Variants in PCDH9 observed in about 807,000 individuals in gnomAD.
PCDH9 encodes the protein protocadherin 9, also known as protocadherin-9.
PCDH9 carries 24 observed loss-of-function variants against 70.6 expected under a neutral mutation model. That is an observed-to-expected ratio of 0.34 (90% CI 0.25 to 0.48). The LOEUF (loss-of-function observed/expected upper bound fraction) is 0.48, where lower values mean the gene tolerates loss of function less well. Among genes scored for constraint, PCDH9 ranks in the 20% least tolerant of loss-of-function variants. The pLI is 0.99. For synonymous variants in PCDH9, 562 were observed against 558.5 expected (o/e 1.01, Z -0.09); for missense variants, 1,281 against 1,503.6 (o/e 0.85, Z 2.45).
intron 2 of PCDH9, among the ~76,000 whole-genome samples, chr13:66,949,744 A>C (rs924416622): frequency 6.6e-6 from 1 of 152,110 alleles, no homozygotes; most frequent in African/African-American, 2.4e-5. Context: ...GCTTTGGAAA[A>C]ATGAGTAAAG....
intron 2 of PCDH9, among the ~76,000 whole-genome samples, chr13:66,975,924 G>A (rs2083610579): frequency 6.6e-6 from 1 of 152,036 alleles, no homozygotes. Context: ...ACCTGTGGAA[G>A]AGCAATTCAG....
At chr13:66,811,299 T>TG (rs2080500863) in intron 3 of PCDH9, among the ~76,000 whole-genome samples, 1 of 152,180 alleles carries the variant, frequency 6.6e-6, no homozygotes, top group South Asian at 2.1e-4. Flanking sequence ...AATTGGCACA[T>TG]GGCCCAAAAC....
intron 3 of PCDH9, among the ~76,000 whole-genome samples, chr13:66,713,301 T>C (rs1387844041): frequency 6.6e-6 from 1 of 152,104 alleles, no homozygotes; most frequent in East Asian, 1.9e-4. Context: ...AATGCTTATG[T>C]TTCATATCAC....
chr13:66,685,546 G>C (rs1451434680), intron 3 of PCDH9, among the ~76,000 whole-genome samples: 1 of 152,210 alleles, frequency 6.6e-6, no homozygotes, highest in Non-Finnish European at 1.5e-5. Context: ...AGTCCCCACT[G>C]GGGTACTGCC....
intron 2 of PCDH9, among the ~76,000 whole-genome samples, chr13:67,129,686 A>G (rs1418391402): frequency 6.6e-6 from 1 of 151,988 alleles, no homozygotes; most frequent in African/African-American, 2.4e-5. Context: ...GAGATATTAT[A>G]TATGTATATT....
chr13:67,204,164 T>C (rs1347948946), intron 2 of PCDH9: 1 of 152,048 alleles, frequency 6.6e-6, no homozygotes, highest in East Asian at 1.9e-4. Context: ...CTCTAAACAG[T>C]TTTAAGAGAT....
rs529976585 is a variant in PCDH9 at position 67,006,029 on chromosome 13, A to G, written c.3037-102424T>C. ...ATCACGAGGTCAGGAGACTGAGACC[A>G]TCCTGGCTAACACGGTGAAACCCCG... On this transcript the variant is annotated intron_variant, in intron 2 of 4. Transcript: ENST00000377865. Among the ~76,000 whole-genome samples, 14 of 152,324 alleles carry G rather than the reference A, an allele frequency of 9.2e-5. 1 individual carries two copies. In the South Asian group the frequency reaches 1.0e-3, roughly 11 times the overall value.
intron 2 of PCDH9, among the ~76,000 whole-genome samples, chr13:66,953,520 C>G (rs1177511942): frequency 6.6e-6 from 1 of 152,178 alleles, no homozygotes; most frequent in African/African-American, 2.4e-5. Context: ...GGCAAGAATT[C>G]TAGTGTACAG....
In PCDH9 at chr13:67,105,285, G is replaced by T. The variant is rs185798772; in HGVS notation, c.3036+120120C>A. Among the ~76,000 whole-genome samples, 57 of 152,172 alleles carry T rather than the reference G, an allele frequency of 3.7e-4. No homozygotes were observed. In the East Asian group the frequency reaches 8.3e-3, roughly 22 times the overall value. Reference sequence around the variant, plus strand: ...TAAAATGAAAAGCTTTTCTTACTCTGTAATTTAGTAAAATAAAATAATACT... The same window carrying T: ...TAAAATGAAAAGCTTTTCTTACTCTTTAATTTAGTAAAATAAAATAATACT... On this transcript the variant is annotated intron_variant, in intron 2 of 4. Coordinates refer to ENST00000377865, the MANE Select transcript of PCDH9 (RefSeq NM_203487.3).
intron 4 of PCDH9, among the ~76,000 whole-genome samples, chr13:66,440,396 C>T (rs988255594): frequency 2.0e-5 from 3 of 151,998 alleles, no homozygotes; most frequent in African/African-American, 7.2e-5. Flanking sequence ...ATTTCCTGTG[C>T]TTGATGTCTG....
At chr13:66,792,927 A>G (rs753056579) in intron 3 of PCDH9, among the ~76,000 whole-genome samples, 5 of 152,164 alleles carry the variant, frequency 3.3e-5, no homozygotes, top group Non-Finnish European at 7.3e-5. Context: ...TGTTAAATAT[A>G]ATCACAAAAA....
intron 4 of PCDH9, among the ~76,000 whole-genome samples, chr13:66,337,959 A>C (rs1391124556): frequency 1.3e-5 from 2 of 152,122 alleles, no homozygotes; most frequent in East Asian, 3.9e-4. Context: ...GATAAAGGGA[A>C]TGCCCACAAT....
At chr13:66,385,767 A>C (rs561169279) in intron 4 of PCDH9, among the ~76,000 whole-genome samples, 23 of 152,338 alleles carry the variant, frequency 1.5e-4, no homozygotes, top group African/African-American at 5.5e-4. Flanking sequence ...TAAGAGTTAA[A>C]TGGGTCTATT....
intron 2 of PCDH9, among the ~76,000 whole-genome samples, chr13:67,141,699 A>C (rs1264001963): frequency 6.6e-6 from 1 of 151,758 alleles, no homozygotes. Context: ...TCGGCCTCCC[A>C]AAGTGCTGGG....
At chr13:67,079,056 T>A (rs2085933769) in intron 2 of PCDH9, among the ~76,000 whole-genome samples, 1 of 151,938 alleles carries the variant, frequency 6.6e-6, no homozygotes, top group Admixed American at 6.6e-5. Flanking sequence ...ACGCCTGTAA[T>A]CATAGCACTT....
At chr13:66,910,753 G>A (rs901378008) in intron 2 of PCDH9, among the ~76,000 whole-genome samples, 1 of 152,088 alleles carries the variant, frequency 6.6e-6, no homozygotes, top group Non-Finnish European at 1.5e-5. Context: ...AAAATGTTTA[G>A]GTGCCACGTA....
At chr13:66,420,397 G>T (rs930588214) in intron 4 of PCDH9, among the ~76,000 whole-genome samples, 3 of 152,168 alleles carry the variant, frequency 2.0e-5, no homozygotes, top group African/African-American at 7.2e-5. Flanking sequence ...CCCAGCAGGG[G>T]TCAACAGACA....
intron 4 of PCDH9, among the ~76,000 whole-genome samples, chr13:66,461,315 A>G (rs1958420347): frequency 1.3e-5 from 2 of 151,112 alleles, no homozygotes. Flanking sequence ...TCTTTAGCCA[A>G]AAAAAATTTC....
At chr13:67,061,264 C>G (rs751135907) in intron 2 of PCDH9, among the ~76,000 whole-genome samples, 12 of 151,960 alleles carry the variant, frequency 7.9e-5, no homozygotes, top group Non-Finnish European at 1.5e-4. Flanking sequence ...CCTTGGGTTT[C>G]TTTCAATCAC....
Sources: gnomAD v4.1 joint callset for allele counts (sites outside exome capture counted in the v4.1 genomes callset) on GRCh38, gnomAD v4.1.1 for gene constraint, MANE v1.5 for transcripts, NCBI Gene and HGNC (gene_info 2026-07-23, HGNC 2026-07-21) for gene names.